Variants in TENM3 observed in about 807,000 individuals in gnomAD.
TENM3 encodes the protein teneurin transmembrane protein 3.
Under a neutral mutation model 255.1 loss-of-function variants are expected in TENM3, and 63 were observed. The observed-to-expected ratio is 0.25, with a 90% CI of 0.20 to 0.30. The LOEUF is 0.30. TENM3 is among the 10% of genes least tolerant of loss of function. The pLI, the probability that TENM3 is intolerant of heterozygous loss-of-function variation, is 1.00. For synonymous variants in TENM3, 1,306 were observed against 1,322.3 expected (o/e 0.99, Z 0.27); for missense variants, 2,929 against 3,461.1 (o/e 0.85, Z 3.86).
chr4:182,189,280 T>A (rs1028219937), intron 1 of TENM3, among the ~76,000 whole-genome samples: 14 of 152,104 alleles, frequency 9.2e-5, no homozygotes, highest in African/African-American at 3.4e-4. Context: ...CTGGATTAAG[T>A]GGGTATGATT....
the TENM3 span, among the ~76,000 whole-genome samples, chr4:182,022,668 A>G: frequency 6.6e-6 from 1 of 152,142 alleles, no homozygotes; most frequent in Non-Finnish European, 1.5e-5. Flanking sequence ...TTCCTGCCGT[A>G]ATTTTCCCAA....
intron 3 of TENM3, among the ~76,000 whole-genome samples, chr4:182,404,109 G>A (rs1769393030): frequency 6.6e-6 from 1 of 152,098 alleles, no homozygotes; most frequent in Non-Finnish European, 1.5e-5. Context: ...TTCAATCACT[G>A]TCAGTACAGT....
chr4:181,894,158 G>A, the TENM3 span, among the ~76,000 whole-genome samples: 9 of 152,258 alleles, frequency 5.9e-5, no homozygotes, highest in East Asian at 1.5e-3. Context: ...TTAATTAATA[G>A]GATATGAGGC....
chr4:181,932,428 G>T, the TENM3 span, among the ~76,000 whole-genome samples: 8 of 152,154 alleles, frequency 5.3e-5, no homozygotes, highest in African/African-American at 1.9e-4. Flanking sequence ...CATCATCACT[G>T]GCCATCAGAG....
At chr4:182,492,922 G>T (rs920169347) in intron 3 of TENM3, among the ~76,000 whole-genome samples, 1 of 150,564 alleles carries the variant, frequency 6.6e-6, no homozygotes, top group Non-Finnish European at 1.5e-5. Context: ...AAGCCAAATT[G>T]TCAGCAAAGG....
chr4:182,299,326 A>T (rs910158750), intron 1 of TENM3, among the ~76,000 whole-genome samples: 2 of 152,208 alleles, frequency 1.3e-5, no homozygotes, highest in African/African-American at 4.8e-5. Context: ...TGCTAAAGTA[A>T]GACTTTACAA....
chr4:182,679,574 A>T, intron 7 of TENM3, 92 bp from the exon 8 acceptor site: 2 of 1,001,644 alleles, frequency 2.0e-6, no homozygotes, highest in Non-Finnish European at 3.0e-6. Flanking sequence ...TGTATTTGTT[A>T]GAGCAAAGGA....
intron 3 of TENM3, among the ~76,000 whole-genome samples, chr4:182,446,870 T>A (rs1772959931): frequency 6.6e-6 from 1 of 152,158 alleles, no homozygotes; most frequent in African/African-American, 2.4e-5. Flanking sequence ...TTATTTGCAG[T>A]TACTTCAGGT....
At chr4:182,757,656 G>C (rs1270951927) in intron 22 of TENM3, among the ~76,000 whole-genome samples, 2 of 152,084 alleles carry the variant, frequency 1.3e-5, no homozygotes, top group Non-Finnish European at 2.9e-5. Flanking sequence ...TTAAAGAAAT[G>C]ATAGTGCAAA....
the TENM3 span, among the ~76,000 whole-genome samples, chr4:181,811,194 G>T: frequency 6.6e-6 from 1 of 152,092 alleles, no homozygotes; most frequent in East Asian, 1.9e-4. Flanking sequence ...AAATTGAAAG[G>T]ATCACTTGAC....
chr4:182,594,089 A>T (rs961469965), intron 3 of TENM3, among the ~76,000 whole-genome samples: 5 of 152,158 alleles, frequency 3.3e-5, no homozygotes, highest in Non-Finnish European at 7.3e-5. Flanking sequence ...GCCGAACTTC[A>T]TGACTATGAG....
chr4:181,632,720 G>T, the TENM3 span, among the ~76,000 whole-genome samples: 3 of 152,112 alleles, frequency 2.0e-5, 1 homozygote, highest in East Asian at 5.8e-4. Flanking sequence ...AACATCCTTG[G>T]GTTGTTTGCA....
intron 3 of TENM3, among the ~76,000 whole-genome samples, chr4:182,408,361 T>C: frequency 6.6e-6 from 1 of 152,184 alleles, no homozygotes; most frequent in East Asian, 1.9e-4. Flanking sequence ...GTGAATAAAA[T>C]GCAGGCAGAA....
the TENM3 span, among the ~76,000 whole-genome samples, chr4:181,632,584 CT>C: frequency 6.6e-6 from 1 of 152,188 alleles, no homozygotes; most frequent in African/African-American, 2.4e-5. Context: ...AAGCCAGAAT[CT>C]TTTTGTAGAA....
At chr4:182,663,469 T>A (rs1316109457) in intron 6 of TENM3, among the ~76,000 whole-genome samples, 3 of 152,184 alleles carry the variant, frequency 2.0e-5, no homozygotes, top group African/African-American at 4.8e-5. Flanking sequence ...TATTGAAATA[T>A]AAATGTGTTA....
chr4:182,052,120 G>C, the TENM3 span, among the ~76,000 whole-genome samples: 5 of 152,098 alleles, frequency 3.3e-5, no homozygotes, highest in Admixed American at 6.5e-5. Context: ...CCAAATGTCA[G>C]TGGTGCCAAA....
chr4:182,244,167 A>G (rs1406793698), intron 1 of TENM3, among the ~76,000 whole-genome samples: 1 of 151,300 alleles, frequency 6.6e-6, no homozygotes, highest in Non-Finnish European at 1.5e-5. Context: ...TTTAGCCGGG[A>G]TGGTCTCGAT....
At chr4:181,729,353 CTG>C in the TENM3 span, among the ~76,000 whole-genome samples, 4 of 152,090 alleles carry the variant, frequency 2.6e-5, no homozygotes, top group African/African-American at 9.7e-5. Context: ...GCCAGGATGA[CTG>C]TGGAAGCAAA....
the TENM3 span, among the ~76,000 whole-genome samples, chr4:181,739,621 T>C: frequency 6.6e-6 from 1 of 152,098 alleles, no homozygotes; most frequent in Non-Finnish European, 1.5e-5. Context: ...TATATAAGCT[T>C]TCCACATCCA....
Sources: gnomAD v4.1 joint callset for allele counts (sites outside exome capture counted in the v4.1 genomes callset) on GRCh38, gnomAD v4.1.1 for gene constraint, MANE v1.5 for transcripts, NCBI Gene and HGNC (gene_info 2026-07-23, HGNC 2026-07-21) for gene names.